The following HMCN1 variants were observed in gnomAD, a reference collection of about 807,000 sequenced individuals.
The protein encoded by HMCN1 is hemicentin-1.
In HMCN1, 321 loss-of-function variants were observed where a neutral mutation model predicts 625.9. That is an observed-to-expected ratio of 0.51 (90% CI 0.47 to 0.56). The LOEUF (loss-of-function observed/expected upper bound fraction) is 0.56. HMCN1 is among the 20% of genes least tolerant of loss of function. HMCN1 has a pLI of 0.00. For missense variants in HMCN1, 6,588 were observed against 6,887.3 expected, an observed-to-expected ratio of 0.96 and a Z score of 1.54; for synonymous variants, 2,425 against 2,417.6, an observed-to-expected ratio of 1.00 and a Z score of -0.09.
chr1:186,187,341 T>A (rs997916305), intron 105 of HMCN1, among the ~76,000 whole-genome samples: 2 of 152,100 alleles, frequency 1.3e-5, no homozygotes, highest in Non-Finnish European at 2.9e-5. Flanking sequence ...TTTGTTTGTC[T>A]CTCTCAAGAT....
intron 36 of HMCN1, among the ~76,000 whole-genome samples, chr1:186,033,367 A>G (rs1161622350): frequency 6.6e-6 from 1 of 152,168 alleles, no homozygotes; most frequent in Non-Finnish European, 1.5e-5. Context: ...TGATGGGTGT[A>G]CTAAAATCTC....
intron 6 of HMCN1, among the ~76,000 whole-genome samples, chr1:185,912,338 G>C (rs138114239): frequency 1.3e-5 from 2 of 152,196 alleles, no homozygotes; most frequent in Admixed American, 6.5e-5. Context: ...TGCTGTGTTG[G>C]CTTTTTTTTA....
At chr1:185,853,118 A>G (rs943024131) in intron 2 of HMCN1, among the ~76,000 whole-genome samples, 5 of 152,128 alleles carry the variant, frequency 3.3e-5, no homozygotes, top group African/African-American at 1.2e-4. Context: ...TTATTTATAT[A>G]ATTTGTATGT....
intron 76 of HMCN1, 125 bp downstream of exon 76, chr1:186,117,240 A>G (rs1571375370): frequency 7.4e-7 from 1 of 1,348,738 alleles, no homozygotes; most frequent in Non-Finnish European, 1.0e-6. Context: ...AGGGGTACAC[A>G]TGCAGGTTCG....
chr1:185,846,064 T>A lies in HMCN1; in HGVS notation c.307T>A (p.Phe103Ile). ...PVTITTDPKK[F>I]QYELRELYVQ... ...GACAATTACCACAGATCCCAAGAAA[T>A]TTCAATATGAACTCAGAGAACTGTA... The change falls in exon 2 of 107, where the codon TTT (phenylalanine) becomes ATT (isoleucine). Residue 103 changes from phenylalanine to isoleucine, a missense_variant. Coordinates refer to ENST00000271588, the MANE Select transcript of HMCN1 (RefSeq NM_031935.3). The A allele has an allele frequency of 6.2e-7, 1 of 1,612,684 alleles. No homozygotes were observed. Among genetic ancestry groups the A allele is most frequent in the Non-Finnish European group, 8.5e-7 (1 of 1,178,854 alleles).
intron 1 of HMCN1, among the ~76,000 whole-genome samples, chr1:185,831,231 G>A (rs941014786): frequency 4.0e-5 from 6 of 151,846 alleles, no homozygotes; most frequent in Non-Finnish European, 8.8e-5. Context: ...TTATTTCAGG[G>A]GCATGATGAT....
chr1:186,118,352 T>A (rs937255637), intron 77 of HMCN1, among the ~76,000 whole-genome samples: 11 of 152,186 alleles, frequency 7.2e-5, no homozygotes, highest in African/African-American at 2.7e-4. Flanking sequence ...GGAAAATGTG[T>A]TCCCAGGATG....
In HMCN1 at chr1:186,144,695, C is replaced by T; in HGVS notation, c.14258C>T (p.Pro4753Leu). 1.2e-6 allele frequency: 2 copies of T among 1,614,062 alleles called. No individual in the cohort carries two copies. The highest frequency in any genetic ancestry group is 1.7e-6 in the Non-Finnish European group (2 of 1,179,960). ...DVQSDFCNSD[P>L]CPTHGNWSPW... is the part of the protein sequence containing the mutation. ...CAGAGTGATTTTTGCAACAGTGACCCTTGCCCAAGTGAGTGTTGGAAATAG... is the reference window on the plus strand; with the variant it reads ...CAGAGTGATTTTTGCAACAGTGACCTTTGCCCAAGTGAGTGTTGGAAATAG... The change falls in exon 91 of 107, where the codon CCT (proline) becomes CTT (leucine). Residue 4753 changes from proline to leucine, a missense_variant. Around this residue, in one of 3 missense-constraint regions of HMCN1, gnomAD observed 1,954 missense variants for 2,013.1 expected, o/e 0.97. Coordinates refer to ENST00000271588, the MANE Select transcript of HMCN1 (RefSeq NM_031935.3).
chr1:185,908,196 T>C (rs1278313616), intron 4 of HMCN1, among the ~76,000 whole-genome samples: 1 of 151,860 alleles, frequency 6.6e-6, no homozygotes, highest in East Asian at 1.9e-4. Context: ...TAATAAGTCT[T>C]AGATGCTTCC....
chr1:185,807,790 C>T (rs1659263364), intron 1 of HMCN1, among the ~76,000 whole-genome samples: 1 of 151,422 alleles, frequency 6.6e-6, no homozygotes, highest in African/African-American at 2.4e-5. Flanking sequence ...ACTTTTTTTC[C>T]TTGCAGTCTG....
At chr1:185,747,125 C>T (rs77069827) in intron 1 of HMCN1, among the ~76,000 whole-genome samples, 4,709 of 152,160 alleles carry the variant, frequency 0.031, 220 homozygotes, top group African/African-American at 0.11. Flanking sequence ...AAAACTCTAA[C>T]TCTTTTACTA....
Position 185,963,885 on chromosome 1 carries a change from C to G in HMCN1, c.2088C>G (p.Leu696=). The G allele has an allele frequency of 6.2e-7, 1 of 1,611,768 alleles. No individual in the cohort carries two copies. Among genetic ancestry groups the G allele is most frequent in the Non-Finnish European group, 8.5e-7 (1 of 1,178,200 alleles). ...GAACAGATAAACAGAATTCTACTCTCAGATACATTGGCAAGTATAATCACT... is the reference window on the plus strand; with the variant it reads ...GAACAGATAAACAGAATTCTACTCTGAGATACATTGGCAAGTATAATCACT... ...SAGTDKQNST[L]RYIEAPKLMV... is the part of the protein sequence containing the mutation. The change falls in exon 13 of 107, where the codon CTC becomes CTG. Residue 696 remains leucine, a synonymous_variant. Coordinates refer to ENST00000271588, the MANE Select transcript of HMCN1 (RefSeq NM_031935.3).
At chr1:185,829,489 A>G (rs1027656071) in intron 1 of HMCN1, among the ~76,000 whole-genome samples, 4 of 152,030 alleles carry the variant, frequency 2.6e-5, no homozygotes, top group Non-Finnish European at 4.4e-5. Context: ...ACTCCCACTT[A>G]TGAATGAGAA....
chr1:186,179,120 C>T (rs1048642584), intron 104 of HMCN1, among the ~76,000 whole-genome samples: 2 of 152,034 alleles, frequency 1.3e-5, no homozygotes, highest in East Asian at 1.9e-4. Context: ...GTAATGCCAT[C>T]AGATTATGGC....
chr1:186,131,437 C>T (rs1661927666), intron 85 of HMCN1, among the ~76,000 whole-genome samples: 1 of 152,038 alleles, frequency 6.6e-6, no homozygotes, highest in South Asian at 2.1e-4. Context: ...TTCTGAAGTC[C>T]TTGGTACTTC....
At chr1:185,854,890 C>G (rs1330011394) in intron 2 of HMCN1, among the ~76,000 whole-genome samples, 1 of 152,168 alleles carries the variant, frequency 6.6e-6, no homozygotes, top group Non-Finnish European at 1.5e-5. Context: ...TAAATAATCA[C>G]AGCATTCCAA....
chr1:186,087,874 G>T, intron 60 of HMCN1, 58 bp from the exon 61 acceptor site: 1 of 1,451,180 alleles, frequency 6.9e-7, no homozygotes, highest in Non-Finnish European at 9.7e-7. Flanking sequence ...AACTCGAACA[G>T]TATGATTGGT....
intron 31 of HMCN1, among the ~76,000 whole-genome samples, chr1:186,015,693 C>A (rs1654319363): frequency 6.6e-6 from 1 of 152,064 alleles, no homozygotes; most frequent in African/African-American, 2.4e-5. Flanking sequence ...ACTGAAAAGG[C>A]AAAGTAGTTG....
At chr1:185,973,959 C>T (rs1651017812) in intron 15 of HMCN1, among the ~76,000 whole-genome samples, 1 of 152,050 alleles carries the variant, frequency 6.6e-6, no homozygotes, top group Non-Finnish European at 1.5e-5. Context: ...GCAAGAGTCA[C>T]CACATGGAGT....
Sources: gnomAD v4.1 joint callset for allele counts (sites outside exome capture counted in the v4.1 genomes callset) on GRCh38, gnomAD v4.1.1 for gene constraint, gnomAD v4.1.1 regional missense constraint, MANE v1.5 for transcripts, NCBI Gene and HGNC (gene_info 2026-07-23, HGNC 2026-07-21) for gene names.